PPP1R8: variants seen among roughly 807,000 people sequenced by gnomAD.
PPP1R8 encodes protein phosphatase 1 regulatory subunit 8.
In PPP1R8, 4 loss-of-function variants were observed where a neutral mutation model predicts 31.3. That is an observed-to-expected ratio of 0.13 (90% CI 0.06 to 0.29). The LOEUF is 0.29. PPP1R8 is among the 10% of genes least tolerant of loss of function. PPP1R8 has a pLI of 1.00. For synonymous variants in PPP1R8, 170 were observed against 169.7 expected (o/e 1.00, Z -0.01); for missense variants, 254 against 440.1 (o/e 0.58, Z 3.78).
At chr1:27,848,462 G>A (rs1189332282) in intron 6 of PPP1R8, among the ~76,000 whole-genome samples, 2 of 152,132 alleles carry the variant, frequency 1.3e-5, no homozygotes, top group East Asian at 1.9e-4. Flanking sequence ...TGCTCCGATC[G>A]TTCAGCATGT....
intron 1 of PPP1R8, 67 bp downstream of exon 1, chr1:27,830,958 CT>C: frequency 6.8e-7 from 1 of 1,470,870 alleles, no homozygotes; most frequent in Admixed American, 2.8e-5. Context: ...AAGGGCGGCT[CT>C]TTTTTTACTT....
chr1:27,848,591 A>G (rs2089308369), intron 6 of PPP1R8, among the ~76,000 whole-genome samples: 2 of 152,198 alleles, frequency 1.3e-5, no homozygotes, highest in Non-Finnish European at 2.9e-5. Context: ...GATGATATAG[A>G]AAGTTTTACT....
In PPP1R8 at chr1:27,841,187, G is replaced by A; in HGVS notation, c.445G>A (p.Glu149Lys). Reference protein sequence around the residue: ...GDEKMGGEDDELKGLLGLPEE... With the variant: ...GDEKMGGEDDKLKGLLGLPEE... ...TGAGAAGATGGGTGGAGAGGATGAT[G>A]AACTCAAGGGCTTACTGGGGCTTCC... The change falls in exon 4 of 7, where the codon GAA (glutamate) becomes AAA (lysine). Residue 149 changes from glutamate to lysine, a missense_variant. Physicochemically the swap from Glu to Lys is moderately conservative, Grantham distance 56. Transcript: ENST00000311772. The A allele has an allele frequency of 6.2e-7, 1 of 1,614,218 alleles. No homozygotes were observed. The highest frequency in any genetic ancestry group is 8.5e-7 in the Non-Finnish European group (1 of 1,180,036).
intron 5 of PPP1R8, among the ~76,000 whole-genome samples, chr1:27,846,289 T>C (rs146337726): frequency 1.0e-3 from 158 of 152,350 alleles, no homozygotes; most frequent in African/African-American, 3.4e-3. Context: ...CCATCCTTGG[T>C]GATCCAGCCC....
intron 2 of PPP1R8, among the ~76,000 whole-genome samples, chr1:27,834,102 G>A (rs1192745374): frequency 6.6e-5 from 10 of 152,200 alleles, no homozygotes; most frequent in Non-Finnish European, 1.5e-5. Context: ...ATAGGGATCT[G>A]TTTTATTACT....
In PPP1R8 at chr1:27,850,397, C is replaced by T. The variant is rs1210813109; in HGVS notation, c.1007C>T (p.Ala336Val). The T allele has an allele frequency of 1.5e-6, 2 of 1,359,446 alleles. No individual in the cohort carries two copies. Among genetic ancestry groups the T allele is most frequent in the African/African-American group, 1.5e-5 (1 of 66,098 alleles). 84.2% of individuals were successfully genotyped at this position (1,359,446 alleles called of 1,614,324 possible). ...AATGAACCCAAGAAGAAGAAATATG[C>T]AAAAGAGGCTTGGCCAGGCAAGAAG... ...AVNEPKKKKYAKEAWPGKKPT... is the reference protein window; with the variant it reads ...AVNEPKKKKYVKEAWPGKKPT... Residue 336 changes from alanine to valine, a missense_variant, in exon 7 of 7, where the codon GCA (alanine) becomes GTA (valine). Ala to Val is a moderately conservative substitution (Grantham distance 64). Coordinates refer to ENST00000311772, the MANE Select transcript of PPP1R8 (RefSeq NM_014110.5).
rs138814595 is a variant in PPP1R8 at position 27,839,137 on chromosome 1, C to T, written c.271+285C>T. 1.8e-3 allele frequency among the ~76,000 whole-genome samples: 273 copies of T among 152,208 alleles called. 1 individual carries two copies. The highest frequency in any genetic ancestry group is 6.4e-3 in the African/African-American group (266 of 41,532). On this transcript the variant is annotated intron_variant, in intron 3 of 6. Transcript: ENST00000311772. ...ACTCAGGAAGCTGAGGCGGGAGGATCACTTGAGCCCAGGAGTTCAAGACTG... is the reference window on the plus strand; with the variant it reads ...ACTCAGGAAGCTGAGGCGGGAGGATTACTTGAGCCCAGGAGTTCAAGACTG...
At chr1:27,832,673 C>A in intron 1 of PPP1R8, 83 bp from the exon 2 acceptor site, 1 of 1,139,010 alleles carries the variant, frequency 8.8e-7, no homozygotes, top group Non-Finnish European at 1.3e-6. Context: ...GGTAGGAGAG[C>A]TGCAATGTTG....
chr1:27,838,766 T>C lies in PPP1R8; in HGVS notation c.185T>C (p.Ile62Thr). 1.9e-6 allele frequency: 3 copies of C among 1,612,160 alleles called. No homozygotes were observed. Among genetic ancestry groups the C allele is most frequent in the South Asian group, 2.2e-5 (2 of 90,768 alleles). ...AACCCTGATTTGTGTGACTTTACCA[T>C]TGACCACCAGTCTTGCTCTCGGGTC... ...GRNPDLCDFT[I>T]DHQSCSRVHA... Residue 62 changes from isoleucine to threonine, a missense_variant, in exon 3 of 7, where the codon ATT (isoleucine) becomes ACT (threonine). Physicochemically the swap from Ile to Thr is moderately conservative, Grantham distance 89 (BLOSUM62 -1). Coordinates refer to ENST00000311772, the MANE Select transcript of PPP1R8 (RefSeq NM_014110.5).
chr1:27,842,359 A>AG (rs952280990), intron 4 of PPP1R8, among the ~76,000 whole-genome samples: 6 of 151,580 alleles, frequency 4.0e-5, no homozygotes, highest in African/African-American at 1.5e-4. Context: ...AAAAAAAAAA[A>AG]AGAGAAATTT....
At position 27,831,146 on chromosome 1, in the gene PPP1R8, A is replaced by G. The variant is rs2089099393; in HGVS notation, c.56+255A>G. On this transcript the variant is annotated intron_variant, in intron 1 of 6. Coordinates refer to ENST00000311772, the MANE Select transcript of PPP1R8 (RefSeq NM_014110.5). ...ACTTAGGCAGCCCCTTTGAGCGATT[A>G]GCCAGTCGCCGGAGCGCTTCGAGGC... 5 of 1,265,648 alleles carry G rather than the reference A, an allele frequency of 4.0e-6. No homozygotes were observed. The Admixed American group carries it at 2.0e-4, about 50-fold the overall frequency. 78.4% of individuals were successfully genotyped at this position (1,265,648 alleles called of 1,614,324 possible).
intron 6 of PPP1R8, among the ~76,000 whole-genome samples, 186 bp from the exon 7 acceptor site, chr1:27,849,907 T>A (rs1443418889): frequency 2.0e-5 from 3 of 152,118 alleles, no homozygotes; most frequent in Non-Finnish European, 2.9e-5. Flanking sequence ...ACTGGAAAGG[T>A]CTCTTCAAAC....
chr1:27,848,936 C>G (rs74065444), intron 6 of PPP1R8, among the ~76,000 whole-genome samples: 7,969 of 152,236 alleles, frequency 0.052, 428 homozygotes, highest in East Asian at 0.25. Context: ...GTGTAACCAC[C>G]ACCATAATCA....
intron 2 of PPP1R8, among the ~76,000 whole-genome samples, chr1:27,836,504 T>C (rs1256290428): frequency 6.6e-6 from 1 of 152,144 alleles, no homozygotes; most frequent in Non-Finnish European, 1.5e-5. Flanking sequence ...AAGCTCTGCC[T>C]CCCGGGCTCA....
chr1:27,831,312 G>A, intron 1 of PPP1R8: 4 of 996,956 alleles, frequency 4.0e-6, no homozygotes, highest in Non-Finnish European at 4.8e-6. Context: ...GCATCCCTCT[G>A]TGGTTGCTGC....
chr1:27,831,967 T>TA (rs2089114210), intron 1 of PPP1R8, among the ~76,000 whole-genome samples: 1 of 152,218 alleles, frequency 6.6e-6, no homozygotes, highest in South Asian at 2.1e-4. Context: ...TGCACTTTTG[T>TA]AGTAGTTGCT....
chr1:27,832,289 C>G (rs539835040), intron 1 of PPP1R8, among the ~76,000 whole-genome samples: 1 of 152,234 alleles, frequency 6.6e-6, no homozygotes, highest in East Asian at 1.9e-4. Flanking sequence ...AATTATGCAC[C>G]TCTGATTTGG....
chr1:27,836,109 A>G lies in PPP1R8; in HGVS notation c.118-2590A>G, dbSNP rs916802635. Among the ~76,000 whole-genome samples, 5 of 152,332 alleles carry G rather than the reference A, an allele frequency of 3.3e-5. No individual in the cohort carries two copies. The East Asian group carries it at 7.7e-4, about 23-fold the overall frequency. ...TTCCCAGCCGGGTACTAACTTGACTATACTCTACTCAGCTTTATGCTATAT... is the reference window on the plus strand; with the variant it reads ...TTCCCAGCCGGGTACTAACTTGACTGTACTCTACTCAGCTTTATGCTATAT... On this transcript the variant is annotated intron_variant, in intron 2 of 6. Coordinates refer to ENST00000311772, the MANE Select transcript of PPP1R8 (RefSeq NM_014110.5).
chr1:27,833,494 C>T (rs1378349580), intron 2 of PPP1R8, among the ~76,000 whole-genome samples: 2 of 152,160 alleles, frequency 1.3e-5, no homozygotes, highest in African/African-American at 2.4e-5. Context: ...ATACAAGCCT[C>T]TAGAGAGAAC....
Sources: gnomAD v4.1 joint callset for allele counts (sites outside exome capture counted in the v4.1 genomes callset) on GRCh38, gnomAD v4.1.1 for gene constraint, MANE v1.5 for transcripts, NCBI Gene and HGNC (gene_info 2026-07-23, HGNC 2026-07-21) for gene names.